The following ERAP2 variants were observed in gnomAD, a reference collection of about 807,000 sequenced individuals.
The protein encoded by ERAP2 is leukocyte-derived arginine aminopeptidase.
ERAP2 carries 118 observed loss-of-function variants against 111.1 expected under a neutral mutation model. That is an observed-to-expected ratio of 1.06 (90% CI 0.92 to 1.24). ERAP2 has a LOEUF of 1.24. Ranked by LOEUF, ERAP2 falls within the 50% of genes most tolerant of loss-of-function variation. The pLI is 0.00. For missense variants in ERAP2, 1,131 were observed against 1,125.8 expected (o/e 1.00, Z -0.07); for synonymous variants, 410 against 401.2 (o/e 1.02, Z -0.26).
intron 13 of ERAP2, among the ~76,000 whole-genome samples, chr5:96,907,045 A>G (rs931449883): frequency 1.3e-5 from 2 of 152,224 alleles, no homozygotes; most frequent in Non-Finnish European, 2.9e-5. Context: ...AAAACAAAAC[A>G]AAACAAAACA....
chr5:96,889,924 GT>G (rs1273917549), intron 5 of ERAP2, among the ~76,000 whole-genome samples: 8 of 151,968 alleles, frequency 5.3e-5, no homozygotes, highest in Non-Finnish European at 1.2e-4. Flanking sequence ...TTTGTACAAG[GT>G]CAGCAATCTT....
chr5:96,893,771 T>G (rs1460173359), intron 6 of ERAP2, among the ~76,000 whole-genome samples: 3 of 152,196 alleles, frequency 2.0e-5, no homozygotes, highest in Non-Finnish European at 4.4e-5. Flanking sequence ...GGCAAAGATT[T>G]CCTCATGCCA....
At chr5:96,879,167 T>C (rs1158713714) in intron 1 of ERAP2, among the ~76,000 whole-genome samples, 1 of 152,174 alleles carries the variant, frequency 6.6e-6, no homozygotes, top group Non-Finnish European at 1.5e-5. Flanking sequence ...TGCAGTGAGC[T>C]GTGATCATGA....
In ERAP2 at chr5:96,892,284, G is replaced by T; in HGVS notation, c.971-15G>T. 5.0e-6 allele frequency: 8 copies of T among 1,613,196 alleles called. No homozygotes were observed. The highest frequency in any genetic ancestry group is 6.8e-6 in the Non-Finnish European group (8 of 1,179,346). ...GGAGCCATAAAACTCAAGTATGGTTGTTCTTATTTCTTAGATTTAATTGCT... is the reference window on the plus strand; with the variant it reads ...GGAGCCATAAAACTCAAGTATGGTTTTTCTTATTTCTTAGATTTAATTGCT... On this transcript the variant is annotated splice_polypyrimidine_tract_variant and intron_variant, in intron 5 of 18. Transcript: ENST00000437043.
chr5:96,901,613 A>T lies in ERAP2; in HGVS notation c.1680A>T (p.Arg560=). 1.2e-6 allele frequency: 2 copies of T among 1,614,116 alleles called. No homozygotes were observed. The highest frequency in any genetic ancestry group is 1.7e-6 in the Non-Finnish European group (2 of 1,179,978). Residue 560 remains arginine, a synonymous_variant, in exon 11 of 19, where the codon CGA becomes CGT. Transcript: ENST00000437043. ...LVVKQDGCSL[R]LQQERFLQGV... Reference sequence around the variant, plus strand: ...TTAAACAAGACGGGTGTTCACTCCGACTGCAACAGGAGCGCTTCCTCCAGG... The same window carrying T: ...TTAAACAAGACGGGTGTTCACTCCGTCTGCAACAGGAGCGCTTCCTCCAGG...
intron 15 of ERAP2, among the ~76,000 whole-genome samples, chr5:96,910,798 GATTA>G (rs1258198402): frequency 1.3e-5 from 2 of 152,142 alleles, no homozygotes; most frequent in Non-Finnish European, 2.9e-5. Context: ...TCTTTACATA[GATTA>G]ATTGATTACT....
intron 14 of ERAP2, 142 bp from the exon 15 acceptor site, chr5:96,909,438 G>T: frequency 1.4e-6 from 1 of 701,180 alleles, no homozygotes. Flanking sequence ...GCCAGAAAAA[G>T]ATAAGAGAAA....
rs1235852620 is a variant in ERAP2 at position 96,879,958 on chromosome 5, TG to T, written c.274del (p.Val92LeufsTer40). The T allele has an allele frequency of 1.9e-6, 3 of 1,614,098 alleles. No homozygotes were observed. In the African/African-American group the frequency reaches 4.0e-5, roughly 22 times the overall value. Reference sequence around the variant, plus strand: ...ACCCCAATCTCACCTCTCTGGACTTTGTTGCATCTGAGAAGATCGAAGTCTT... The same window carrying T: ...ACCCCAATCTCACCTCTCTGGACTTTTTGCATCTGAGAAGATCGAAGTCTT... Reference protein sequence around the residue: ...VHPNLTSLDFVASEKIEVLVS... With the variant: ...VHPNLTSLDFXASEKIEVLVS... On this transcript the variant is annotated frameshift_variant, in exon 2 of 19. Coordinates refer to ENST00000437043, the MANE Select transcript of ERAP2 (RefSeq NM_022350.5). LOFTEE classifies it high-confidence loss of function.
chr5:96,912,859 C>A, intron 16 of ERAP2, 61 bp downstream of exon 16: 1 of 1,407,978 alleles, frequency 7.1e-7, no homozygotes, highest in Non-Finnish European at 9.7e-7. Flanking sequence ...AGTGAAGTCA[C>A]TAAAACTTCA....
In ERAP2 at chr5:96,919,290, T is replaced by A. The variant is rs17409040; in HGVS notation, c.*1685T>A. 0.038 allele frequency: 5,783 copies of A among 152,476 alleles called. 191 individuals are homozygous for A. Among genetic ancestry groups the A allele is most frequent in the Middle Eastern group, 0.12 (34 of 294 alleles). 9.4% of individuals were successfully genotyped at this position (152,476 alleles called of 1,614,324 possible). A position where few individuals can be genotyped will look rare whatever the true frequency, so the allele number is the denominator to read the frequency against. On this transcript the variant is annotated 3_prime_UTR_variant, in exon 19 of 19. Coordinates refer to ENST00000437043, the MANE Select transcript of ERAP2 (RefSeq NM_022350.5). ...TACACATTTTTTGGTTAAATTTGTT[T>A]TCAGATCATTTCATGGAATCTTTGA...
At chr5:96,886,604 T>C (rs562948046) in intron 3 of ERAP2, 51 bp from the exon 4 acceptor site, 4 of 1,435,210 alleles carry the variant, frequency 2.8e-6, no homozygotes, top group Admixed American at 3.9e-5. Flanking sequence ...TAGGCATGGT[T>C]ATGAAATACT....
At chr5:96,904,583 C>T (rs1431864164) in intron 13 of ERAP2, among the ~76,000 whole-genome samples, 1 of 152,118 alleles carries the variant, frequency 6.6e-6, no homozygotes, top group East Asian at 1.9e-4. Context: ...AAAACACCAT[C>T]CTACATATGA....
chr5:96,899,241 C>T (rs1358237408), intron 9 of ERAP2, among the ~76,000 whole-genome samples: 1 of 127,516 alleles, frequency 7.8e-6, no homozygotes, highest in African/African-American at 2.9e-5. Context: ...CTTCTAAGTC[C>T]AATAGTTATT....
rs185341887 is a variant in ERAP2, at chr5:96,895,830, G to A, written c.1239+471G>A. ...TTTTTAAAAACGAATATAGTGGTCT[G>A]AACACTACACAAATTTGCATATCAA... On this transcript the variant is annotated intron_variant, in intron 7 of 18. Coordinates refer to ENST00000437043, the MANE Select transcript of ERAP2 (RefSeq NM_022350.5). Among the ~76,000 whole-genome samples the A allele has an allele frequency of 2.6e-3, 400 of 152,252 alleles. 2 individuals carry two copies. The highest frequency in any genetic ancestry group is 4.0e-3 in the Non-Finnish European group (275 of 67,992).
At chr5:96,891,553 CA>C (rs1784396579) in intron 5 of ERAP2, among the ~76,000 whole-genome samples, 1 of 144,688 alleles carries the variant, frequency 6.9e-6, no homozygotes, top group African/African-American at 2.6e-5. Flanking sequence ...CACACACACA[CA>C]CACACACACA....
At chr5:96,889,816 C>G (rs1320396134) in intron 5 of ERAP2, among the ~76,000 whole-genome samples, 2 of 133,774 alleles carry the variant, frequency 1.5e-5, no homozygotes, top group Non-Finnish European at 3.1e-5. Flanking sequence ...AATGGATTTT[C>G]CATTAAAAAA....
Position 96,880,158 on chromosome 5 carries a change from C to G in ERAP2, c.473C>G (p.Pro158Arg), listed in dbSNP as rs781565196. 6.2e-6 allele frequency: 10 copies of G among 1,614,054 alleles called. No individual in the cohort carries two copies. The highest frequency in any genetic ancestry group is 8.5e-6 in the Non-Finnish European group (10 of 1,179,994). ...IALLVPEKLT[P>R]HLKYYVAMDF... Reference sequence around the variant, plus strand: ...CTGCTGGTTCCAGAGAAACTTACGCCTCACCTGAAATACTATGTGGCTATG... The same window carrying G: ...CTGCTGGTTCCAGAGAAACTTACGCGTCACCTGAAATACTATGTGGCTATG... Residue 158 changes from proline to arginine, a missense_variant, in exon 2 of 19, where the codon CCT becomes CGT. Pro to Arg is a moderately radical substitution (Grantham distance 103). Coordinates refer to ENST00000437043, the MANE Select transcript of ERAP2 (RefSeq NM_022350.5).
At chr5:96,917,046 C>A (rs1787489240) in intron 18 of ERAP2, among the ~76,000 whole-genome samples, 1 of 152,150 alleles carries the variant, frequency 6.6e-6, no homozygotes, top group Non-Finnish European at 1.5e-5. Context: ...CAGAGAAATG[C>A]CTATACCTGT....
In ERAP2 at chr5:96,912,646, A is replaced by T. The variant is rs1786926967; in HGVS notation, c.2364A>T (p.Thr788=). 6.2e-7 allele frequency: 1 copy of T among 1,607,718 alleles called. No homozygotes were observed. Among genetic ancestry groups the T allele is most frequent in the African/African-American group, 1.3e-5 (1 of 74,530 alleles). The part of the protein sequence containing the change: ...MESSGKLNIP[T]DVLKIVYSVG... Reference sequence around the variant, plus strand: ...ATGCTTGATATTACAGTATACCAACAGATGTTTTAAAGATTGTGTATTCTG... The same window carrying T: ...ATGCTTGATATTACAGTATACCAACTGATGTTTTAAAGATTGTGTATTCTG... The change falls in exon 16 of 19, where the codon ACA becomes ACT. Residue 788 remains threonine, a synonymous_variant. Coordinates refer to ENST00000437043, the MANE Select transcript of ERAP2 (RefSeq NM_022350.5).
Sources: gnomAD v4.1 joint callset for allele counts (sites outside exome capture counted in the v4.1 genomes callset) on GRCh38, gnomAD v4.1.1 for gene constraint, MANE v1.5 for transcripts, NCBI Gene and HGNC (gene_info 2026-07-23, HGNC 2026-07-21) for gene names.